Variants in RHCG observed in about 807,000 individuals in gnomAD.
The protein encoded by RHCG is Rh family C glycoprotein, also known as ammonium transporter Rh type C.
RHCG carries 39 observed loss-of-function variants against 55.3 expected under a neutral mutation model. The observed-to-expected ratio is 0.70, with a 90% CI of 0.55 to 0.92. RHCG has a LOEUF of 0.92. Ranked by LOEUF, RHCG falls within the 40% of genes least tolerant of loss-of-function variation. The pLI, the probability that RHCG is intolerant of heterozygous loss-of-function variation, is 0.00. For missense variants in RHCG, 635 were observed against 627.9 expected (o/e 1.01, Z -0.12); for synonymous variants, 250 against 246.8 (o/e 1.01, Z -0.12).
chr15:89,491,323 C>G (rs1961471540), intron 1 of RHCG, among the ~76,000 whole-genome samples: 1 of 152,196 alleles, frequency 6.6e-6, no homozygotes, highest in Non-Finnish European at 1.5e-5. Flanking sequence ...TTCCCTCCGT[C>G]AGGAACACAG....
At chr15:89,494,227 A>C (rs1961526418) in intron 1 of RHCG, among the ~76,000 whole-genome samples, 2 of 152,100 alleles carry the variant, frequency 1.3e-5, no homozygotes, top group Non-Finnish European at 2.9e-5. Context: ...AAGCCATCAC[A>C]GATCACTTCT....
chr15:89,472,596 G>A lies in RHCG; in HGVS notation c.*24+115C>T, dbSNP rs1961058636. ...TGCACCTCAGGCAGGAGGGGTGGAA[G>A]CCCTCATTTCTTGATGTTTGCTTTT... On this transcript the variant is annotated intron_variant, in intron 10 of 10. Coordinates refer to ENST00000268122, the MANE Select transcript of RHCG (RefSeq NM_016321.3). 9.6e-6 allele frequency: 10 copies of A among 1,046,216 alleles called. No homozygotes were observed. In the South Asian group the frequency reaches 1.6e-4, roughly 17 times the overall value. The allele number at this position is 1,046,216 out of a possible 1,614,324, so 64.8% of individuals were successfully genotyped here. A position where few individuals can be genotyped will look rare whatever the true frequency, so the allele number is the denominator to read the frequency against.
At chr15:89,491,119 C>T (rs975064392) in intron 1 of RHCG, among the ~76,000 whole-genome samples, 5 of 152,122 alleles carry the variant, frequency 3.3e-5, no homozygotes, top group African/African-American at 7.2e-5. Context: ...CCAAGGGAGC[C>T]GCTGCTGCAG....
intron 1 of RHCG, among the ~76,000 whole-genome samples, chr15:89,493,969 C>G (rs62023062): frequency 0.28 from 43,042 of 151,932 alleles, 6,588 homozygotes; most frequent in South Asian, 0.35. Flanking sequence ...GATTCTTCCC[C>G]TATACCCCTC....
At chr15:89,488,366 A>AG (rs1355343508) in intron 1 of RHCG, among the ~76,000 whole-genome samples, 1 of 152,212 alleles carries the variant, frequency 6.6e-6, no homozygotes, top group African/African-American at 2.4e-5. Context: ...TGCTAAATGC[A>AG]GGGGGAAATT....
At chr15:89,486,242 G>A (rs1051787267) in intron 2 of RHCG, 7 of 456,544 alleles carry the variant, frequency 1.5e-5, no homozygotes, top group Non-Finnish European at 2.6e-5. Flanking sequence ...GTGGGTGGGG[G>A]CGGTGAAGCA....
chr15:89,484,992 T>C (rs1483789362), intron 2 of RHCG, among the ~76,000 whole-genome samples: 2 of 152,008 alleles, frequency 1.3e-5, no homozygotes, highest in Admixed American at 1.3e-4. Flanking sequence ...GGTCCACATC[T>C]CTGGATCCAC....
intron 2 of RHCG, among the ~76,000 whole-genome samples, chr15:89,484,647 G>A (rs1426465723): frequency 1.3e-5 from 2 of 152,166 alleles, no homozygotes; most frequent in East Asian, 3.9e-4. Flanking sequence ...GGGCTTGGTG[G>A]CAGACACCTG....
intron 1 of RHCG, 117 bp downstream of exon 1, chr15:89,496,244 C>T: frequency 2.0e-6 from 2 of 993,396 alleles, no homozygotes. Context: ...CGGCGAGATG[C>T]GGAGTCCGCG....
chr15:89,495,562 G>T (rs1961551007), intron 1 of RHCG, among the ~76,000 whole-genome samples: 1 of 152,150 alleles, frequency 6.6e-6, no homozygotes, highest in South Asian at 2.1e-4. Flanking sequence ...GTGACCTTGG[G>T]CTAGCTCTCC....
Position 89,482,944 on chromosome 15 carries a change from G to A in RHCG, c.522+123C>T, listed in dbSNP as rs530190888. On this transcript the variant is annotated intron_variant, in intron 3 of 10. Coordinates refer to ENST00000268122, the MANE Select transcript of RHCG (RefSeq NM_016321.3). ...CCCACTTTAGAGATGAGAAAACTGA[G>A]TGACGTTCAGGAAGTTAAGTGACTC... 1.4e-3 allele frequency: 1,360 copies of A among 957,056 alleles called. 3 individuals carry two copies. The highest frequency in any genetic ancestry group is 1.9e-3 in the Non-Finnish European group (1,303 of 676,312). 59.3% of individuals were successfully genotyped at this position (957,056 alleles called of 1,614,324 possible).
intron 1 of RHCG, among the ~76,000 whole-genome samples, chr15:89,487,836 C>A (rs1354230606): frequency 6.6e-6 from 1 of 152,232 alleles, no homozygotes; most frequent in Non-Finnish European, 1.5e-5. Flanking sequence ...TTTATGTTCA[C>A]TCAGGCATGG....
intron 1 of RHCG, 80 bp downstream of exon 1, chr15:89,496,281 C>G (rs918536809): frequency 1.8e-5 from 26 of 1,476,198 alleles, no homozygotes; most frequent in African/African-American, 2.8e-5. Flanking sequence ...CCTCCTCTGC[C>G]CAGCTCTGGG....
At chr15:89,495,695 C>T (rs1961553151) in intron 1 of RHCG, among the ~76,000 whole-genome samples, 1 of 152,224 alleles carries the variant, frequency 6.6e-6, no homozygotes, top group African/African-American at 2.4e-5. Context: ...CAGCCTCACC[C>T]CAACCCCTGT....
rs546926679 is a variant in RHCG, at chr15:89,476,767, C to G, written c.1299G>C (p.Ala433=). Residue 433 remains alanine, a synonymous_variant, in exon 9 of 11, where the codon GCG becomes GCC. Transcript: ENST00000268122. ...QPSDENCFED[A]VYWEMPEGNS... ...CCCTGGAACTCACCTCCCAGTAGAC[C>G]GCATCCTCAAAGCAGTTCTCATCTG... 2 of 1,614,030 alleles carry G rather than the reference C, an allele frequency of 1.2e-6. No individual in the cohort carries two copies. The highest frequency in any genetic ancestry group is 1.1e-5 in the South Asian group (1 of 91,072).
rs750785557 is a variant in RHCG, at chr15:89,486,595, A to AGTGTGT, written c.371+203_371+204insACACAC. On this transcript the variant is annotated intron_variant, in intron 2 of 10. Coordinates refer to ENST00000268122, the MANE Select transcript of RHCG (RefSeq NM_016321.3). ...GAGAGAGAGAGAGAGAGAGAGAGAGAGAGAGTGTGTGTGTGTGTGTGTGTG... is the reference window on the plus strand; with the variant it reads ...GAGAGAGAGAGAGAGAGAGAGAGAGAGTGTGTGAGAGTGTGTGTGTGTGTGTGTGTG... 3.8e-3 allele frequency: 1,248 copies of AGTGTGT among 332,502 alleles called. 3 individuals carry two copies. The highest frequency in any genetic ancestry group is 0.012 in the East Asian group (147 of 11,866). The allele number at this position is 332,502 out of a possible 1,614,324, so 20.6% of individuals were successfully genotyped here. A position where few individuals can be genotyped will look rare whatever the true frequency, so the allele number is the denominator to read the frequency against.
chr15:89,475,184 G>A (rs369168898), intron 9 of RHCG, among the ~76,000 whole-genome samples: 1,957 of 141,790 alleles, frequency 0.014, 50 homozygotes, highest in African/African-American at 0.048. Context: ...CTTCCTGCCT[G>A]CCTGCCTTCC....
At chr15:89,473,835 T>C (rs914597317) in intron 9 of RHCG, among the ~76,000 whole-genome samples, 1 of 152,158 alleles carries the variant, frequency 6.6e-6, no homozygotes, top group Non-Finnish European at 1.5e-5. Flanking sequence ...CTGCTCAAGG[T>C]ATATAGAGCT....
At chr15:89,472,208 G>A (rs1262043358) in intron 10 of RHCG, among the ~76,000 whole-genome samples, 3 of 152,224 alleles carry the variant, frequency 2.0e-5, no homozygotes, top group African/African-American at 7.2e-5. Flanking sequence ...TACTTGCCTT[G>A]TAGAGATCTT....
Sources: allele counts gnomAD v4.1 joint callset (sites outside exome capture counted in the v4.1 genomes callset), GRCh38; gene constraint gnomAD v4.1.1; transcripts MANE v1.5; gene names NCBI Gene and HGNC (gene_info 2026-07-23, HGNC 2026-07-21).